NFXL1: variants seen among roughly 807,000 people sequenced by gnomAD.
NFXL1 encodes NF-X1-type zinc finger protein NFXL1.
NFXL1 carries 66 observed loss-of-function variants against 123.3 expected under a neutral mutation model. The observed-to-expected ratio is 0.54, with a 90% CI of 0.44 to 0.66. The LOEUF is 0.66. Among genes scored for constraint, NFXL1 ranks in the 30% least tolerant of loss-of-function variants. NFXL1 has a pLI of 0.00. For missense variants in NFXL1, 944 were observed against 1,125.6 expected, an observed-to-expected ratio of 0.84 and a Z score of 2.31; for synonymous variants, 346 against 360.8, an observed-to-expected ratio of 0.96 and a Z score of 0.46.
At chr4:47,855,930 C>T (rs1380691143) in intron 19 of NFXL1, among the ~76,000 whole-genome samples, 3 of 152,116 alleles carry the variant, frequency 2.0e-5, no homozygotes, top group Admixed American at 1.3e-4. Context: ...TAAGACATGA[C>T]TTAAATCACC....
chr4:47,866,039 T>A (rs1317237473), intron 18 of NFXL1, among the ~76,000 whole-genome samples: 1 of 151,624 alleles, frequency 6.6e-6, no homozygotes, highest in East Asian at 1.9e-4. Context: ...AAAAAAAATT[T>A]AAAAAGTATA....
At position 47,847,953 on chromosome 4, in the gene NFXL1, C is replaced by G. The variant is rs1388272835; in HGVS notation, c.*210G>C. The G allele has an allele frequency of 1.5e-5, 4 of 273,428 alleles. No homozygotes were observed. The highest frequency in any genetic ancestry group is 2.4e-5 in the Non-Finnish European group (4 of 168,026). The allele number at this position is 273,428 out of a possible 1,614,324, so 16.9% of individuals were successfully genotyped here. ...CCTTATGAAATATTTTAGTTTCAGT[C>G]ATGCCTTCACTTTAAAACAGTATTA... On this transcript the variant is annotated 3_prime_UTR_variant, in exon 23 of 23. Transcript: ENST00000507489.
chr4:47,897,503 A>G (rs1737154537), intron 9 of NFXL1, among the ~76,000 whole-genome samples: 1 of 152,192 alleles, frequency 6.6e-6, no homozygotes, highest in Non-Finnish European at 1.5e-5. Context: ...AACCTATTAC[A>G]TAATAATGAC....
intron 20 of NFXL1, 131 bp from the exon 21 acceptor site, chr4:47,852,073 A>ATC (rs1734149058): frequency 1.8e-6 from 1 of 550,512 alleles, no homozygotes; most frequent in Non-Finnish European, 3.2e-6. Context: ...TAATGATGAT[A>ATC]TAGTTGCAAG....
chr4:47,912,820 C>T (rs1737903601), intron 2 of NFXL1, among the ~76,000 whole-genome samples: 1 of 146,260 alleles, frequency 6.8e-6, no homozygotes, highest in Non-Finnish European at 1.5e-5. Context: ...GGTGAAACCC[C>T]GTCTCTACTA....
At chr4:47,888,574 T>C (rs1736588005) in intron 12 of NFXL1, among the ~76,000 whole-genome samples, 1 of 151,904 alleles carries the variant, frequency 6.6e-6, no homozygotes, top group Non-Finnish European at 1.5e-5. Context: ...AACACCACTC[T>C]ACCAAAAAAT....
intron 18 of NFXL1, among the ~76,000 whole-genome samples, chr4:47,863,833 T>TCAGTA (rs1269016343): frequency 6.6e-6 from 1 of 152,152 alleles, no homozygotes; most frequent in Non-Finnish European, 1.5e-5. Context: ...ACTGCCTAAG[T>TCAGTA]CAGTAACTAG....
At chr4:47,901,363 T>C (rs1737347324) in intron 5 of NFXL1, among the ~76,000 whole-genome samples, 1 of 152,204 alleles carries the variant, frequency 6.6e-6, no homozygotes. Flanking sequence ...TAAACTGTTG[T>C]TCCTTTTAAA....
intron 19 of NFXL1, among the ~76,000 whole-genome samples, chr4:47,857,588 C>T (rs1386340737): frequency 6.6e-6 from 1 of 152,142 alleles, no homozygotes; most frequent in Non-Finnish European, 1.5e-5. Context: ...CTGGCTAGGT[C>T]TTCTGCCTTC....
chr4:47,901,560 T>C (rs559834593), intron 5 of NFXL1, among the ~76,000 whole-genome samples: 22 of 152,264 alleles, frequency 1.4e-4, no homozygotes, highest in African/African-American at 4.8e-4. Flanking sequence ...CAGTAAATAA[T>C]ATGCAGGAGC....
Position 47,888,700 on chromosome 4 carries a change from TCTGAG to T in NFXL1, c.1543+1908_1543+1912del, listed in dbSNP as rs1302510966. 8.4e-3 allele frequency among the ~76,000 whole-genome samples: 1,282 copies of T among 152,040 alleles called. 21 individuals carry two copies. The highest frequency in any genetic ancestry group is 0.03 in the African/African-American group (1,244 of 41,504). ...GAGATGCAATCTGCAAAACTCAGACTCTGAGAAACTAAATAAAGCAACCTAGTTTC... is the reference window on the plus strand; with the variant it reads ...GAGATGCAATCTGCAAAACTCAGACTAAACTAAATAAAGCAACCTAGTTTC... On this transcript the variant is annotated intron_variant, in intron 12 of 22. Transcript: ENST00000507489.
intron 3 of NFXL1, among the ~76,000 whole-genome samples, chr4:47,907,401 G>A (rs1300597771): frequency 2.0e-5 from 3 of 152,212 alleles, no homozygotes; most frequent in Non-Finnish European, 4.4e-5. Context: ...TCTTTCAACA[G>A]CAGTTTGATG....
chr4:47,903,270 C>T lies in NFXL1; in HGVS notation c.570G>A (p.Lys190=), dbSNP rs1560603929. Reference sequence around the variant, plus strand: ...CAAGAAACTGGCTGTCTTTAGCCCACTTCTGGATACAGGGCATGTGAAATA... The same window carrying T: ...CAAGAAACTGGCTGTCTTTAGCCCATTTCTGGATACAGGGCATGTGAAATA... ...FCIFHMPCIQ[K]WAKDSQFLVS... The change falls in exon 5 of 23, where the codon AAG becomes AAA. Residue 190 remains lysine (K), a synonymous_variant. Transcript: ENST00000507489. The T allele has an allele frequency of 1.3e-6, 2 of 1,598,508 alleles. No individual in the cohort carries two copies. Among genetic ancestry groups the T allele is most frequent in the Non-Finnish European group, 1.7e-6 (2 of 1,171,450 alleles).
At chr4:47,885,430 A>G in intron 14 of NFXL1, 68 bp downstream of exon 14, 2 of 1,309,660 alleles carry the variant, frequency 1.5e-6, no homozygotes, top group East Asian at 2.3e-5. Context: ...TCATTGAAAA[A>G]CTAAGTAAAA....
At chr4:47,865,080 G>A (rs1235888016) in intron 18 of NFXL1, among the ~76,000 whole-genome samples, 2 of 152,182 alleles carry the variant, frequency 1.3e-5, no homozygotes, top group Non-Finnish European at 2.9e-5. Context: ...GCTGGTGCCT[G>A]CTACAGAAGT....
chr4:47,848,395 C>G (rs1733931301), intron 22 of NFXL1, 59 bp from the exon 23 acceptor site: 4 of 1,299,150 alleles, frequency 3.1e-6, no homozygotes, highest in Non-Finnish European at 4.3e-6. Context: ...TTGAAAGTTT[C>G]CATTTACATA....
chr4:47,869,458 C>T (rs1435579447), intron 18 of NFXL1, among the ~76,000 whole-genome samples: 2 of 152,064 alleles, frequency 1.3e-5, no homozygotes, highest in African/African-American at 4.8e-5. Context: ...AAAAATATTA[C>T]AAACACATGC....
chr4:47,912,616 G>A (rs1443312885), intron 2 of NFXL1, among the ~76,000 whole-genome samples: 2 of 148,198 alleles, frequency 1.3e-5, no homozygotes, highest in African/African-American at 2.5e-5. Flanking sequence ...CTGCCACCCC[G>A]CCCGGCTAAT....
chr4:47,907,861 CTTAAGA>C (rs1737632276), intron 3 of NFXL1, among the ~76,000 whole-genome samples: 1 of 152,114 alleles, frequency 6.6e-6, no homozygotes, highest in African/African-American at 2.4e-5. Flanking sequence ...CAGAAAACTT[CTTAAGA>C]TTATTTTCTA....
Sources: allele counts gnomAD v4.1 joint callset (sites outside exome capture counted in the v4.1 genomes callset), GRCh38; gene constraint gnomAD v4.1.1; transcripts MANE v1.5; gene names NCBI Gene and HGNC (gene_info 2026-07-23, HGNC 2026-07-21).